Variants in ABHD3 observed in about 807,000 individuals in gnomAD.
ABHD3 encodes abhydrolase domain containing 3, phospholipase, also known as phospholipase ABHD3.
ABHD3 carries 46 observed loss-of-function variants against 48.8 expected under a neutral mutation model. The ratio of observed to expected loss-of-function variants is 0.94; its 90% CI spans 0.74 to 1.20. The LOEUF is 1.20. Among genes scored for constraint, ABHD3 ranks in the 50% most tolerant of loss-of-function variants. The pLI, the probability that ABHD3 is intolerant of heterozygous loss-of-function variation, is 0.00. For missense variants in ABHD3, 490 were observed against 497.8 expected (o/e 0.98, Z 0.15); for synonymous variants, 192 against 183.7 (o/e 1.04, Z -0.36).
chr18:21,665,172 T>C (rs2039593135), intron 4 of ABHD3, among the ~76,000 whole-genome samples: 1 of 152,020 alleles, frequency 6.6e-6, no homozygotes, highest in African/African-American at 2.4e-5. Context: ...CTTGAACCCC[T>C]GACCTCAAGT....
At chr18:21,659,483 T>C (rs1318610231) in intron 5 of ABHD3, 140 bp from the exon 6 acceptor site, 4 of 748,036 alleles carry the variant, frequency 5.3e-6, no homozygotes, top group Non-Finnish European at 8.4e-6. Context: ...TGGAAAAGCA[T>C]GCAAGCATCT....
At chr18:21,654,756 G>A (rs2039305572) in intron 8 of ABHD3, 1 of 152,220 alleles carries the variant, frequency 6.6e-6, no homozygotes, top group Non-Finnish European at 1.5e-5. Flanking sequence ...GGCCACATTT[G>A]AGGCATGTGA....
At chr18:21,656,485 AG>A (rs1341808369) in intron 8 of ABHD3, among the ~76,000 whole-genome samples, 3 of 152,242 alleles carry the variant, frequency 2.0e-5, no homozygotes, top group Non-Finnish European at 4.4e-5. Flanking sequence ...CCAGATTAAA[AG>A]GGAAGAAAAA....
chr18:21,666,292 C>T (rs752000612), intron 4 of ABHD3, among the ~76,000 whole-genome samples: 4 of 152,198 alleles, frequency 2.6e-5, no homozygotes, highest in Admixed American at 6.6e-5. Context: ...CTCGCGGGTT[C>T]AAGCGATTCT....
At chr18:21,659,944 A>G (rs904504734) in intron 5 of ABHD3, among the ~76,000 whole-genome samples, 1 of 146,436 alleles carries the variant, frequency 6.8e-6, no homozygotes, top group Admixed American at 6.9e-5. Flanking sequence ...TGCTGAGATT[A>G]CAGCCGTTGC....
At chr18:21,653,052 CAAAAAAAAAA>C (rs745321830) in intron 8 of ABHD3, among the ~76,000 whole-genome samples, 2 of 4,902 alleles carry the variant, frequency 4.1e-4, no homozygotes, top group Non-Finnish European at 6.9e-4. Context: ...GACTCCATCT[CAAAAAAAAAA>C]AAAAAAAAAA....
intron 4 of ABHD3, among the ~76,000 whole-genome samples, chr18:21,667,125 G>A (rs1344815067): frequency 6.7e-6 from 1 of 150,260 alleles, no homozygotes; most frequent in East Asian, 1.9e-4. Flanking sequence ...CCAGGCTGGA[G>A]TGCAGTGGTG....
At chr18:21,699,581 C>T (rs1178971688) in intron 3 of ABHD3, among the ~76,000 whole-genome samples, 7 of 152,188 alleles carry the variant, frequency 4.6e-5, no homozygotes, top group Non-Finnish European at 4.4e-5. Flanking sequence ...TTTCCCTACA[C>T]TTTGACTCTG....
chr18:21,656,164 T>A (rs1367332367), intron 8 of ABHD3, among the ~76,000 whole-genome samples: 1 of 152,120 alleles, frequency 6.6e-6, no homozygotes, highest in Non-Finnish European at 1.5e-5. Context: ...CAGGAAAGTT[T>A]ATTTCTGAAT....
intron 5 of ABHD3, among the ~76,000 whole-genome samples, chr18:21,659,656 TAG>T (rs141608383): frequency 2.0e-5 from 3 of 151,650 alleles, no homozygotes; most frequent in African/African-American, 4.8e-5. Flanking sequence ...TGGAATCACC[TAG>T]AGTTTTTTTT....
intron 3 of ABHD3, among the ~76,000 whole-genome samples, chr18:21,689,500 G>GATCA (rs537410771): frequency 1.6e-3 from 193 of 118,160 alleles, no homozygotes; most frequent in African/African-American, 6.4e-3. Flanking sequence ...AGTGAGCCAA[G>GATCA]ATCACACCAT....
chr18:21,662,848 A>C (rs1159434445), intron 5 of ABHD3, among the ~76,000 whole-genome samples: 1 of 152,206 alleles, frequency 6.6e-6, no homozygotes. Flanking sequence ...GGAGCATTGA[A>C]TAGAGAATCT....
rs1481490999 is a variant in ABHD3 at position 21,657,144 on chromosome 18, T to C, written c.851A>G (p.His284Arg). 3.1e-6 allele frequency: 5 copies of C among 1,606,166 alleles called. No individual in the cohort carries two copies. Among genetic ancestry groups the C allele is most frequent in the Non-Finnish European group, 3.4e-6 (4 of 1,176,254 alleles). The part of the protein sequence containing the change: ...CLQSSVNKHR[H>R]MFVKQVDMDH... ...CATATCAACTTGTTTTACAAACATA[T>C]GTCGGTGCCTGGAACAAAAGAATTT... The change falls in exon 7 of 9, where the codon CAT becomes CGT. Residue 284 changes from histidine to arginine, a missense_variant. His to Arg is a conservative substitution (Grantham distance 29, BLOSUM62 0). Coordinates refer to ENST00000289119, the MANE Select transcript of ABHD3 (RefSeq NM_138340.5).
In ABHD3 at chr18:21,704,526, T is replaced by C. The variant is rs1368933101; in HGVS notation, c.140A>G (p.Tyr47Cys). 4.0e-5 allele frequency: 60 copies of C among 1,499,294 alleles called. No individual in the cohort carries two copies. Among genetic ancestry groups the C allele is most frequent in the Middle Eastern group, 1.7e-4 (1 of 5,816 alleles). The allele number at this position is 1,499,294 out of a possible 1,614,324, so 92.9% of individuals were successfully genotyped here. Reference protein sequence around the residue: ...ILGFSVAYAFYYLSSIAKKPQ... With the variant: ...ILGFSVAYAFCYLSSIAKKPQ... ...CACCTTGGCAATGCTGCTCAGGTAG[T>C]AGAAGGCATAAGCGACGCTGAAGCC... Residue 47 changes from tyrosine (Y) to cysteine (C), a missense_variant, in exon 1 of 9, where the codon TAC (tyrosine) becomes TGC (cysteine). By Grantham distance (194) the Tyr-to-Cys change is radical. Transcript: ENST00000289119.
Position 21,702,298 on chromosome 18 carries a change from G to A in ABHD3, c.509+18C>T. ...TTGGAATGGATCAAGTGAAAAAAAA[G>A]AAATCTTTTACTGGTACCTGTATCC... is the stretch of plus-strand genomic sequence containing the variant. On this transcript the variant is annotated intron_variant, in intron 3 of 8. Transcript: ENST00000289119. 1 of 1,543,926 alleles carries A rather than the reference G, an allele frequency of 6.5e-7. No homozygotes were observed. Among genetic ancestry groups the A allele is most frequent in the Non-Finnish European group, 8.8e-7 (1 of 1,141,190 alleles).
chr18:21,703,307 C>A (rs139015272), intron 2 of ABHD3, among the ~76,000 whole-genome samples: 3 of 142,988 alleles, frequency 2.1e-5, no homozygotes. Flanking sequence ...TGACAAACTG[C>A]GAGACAGTAA....
intron 3 of ABHD3, among the ~76,000 whole-genome samples, chr18:21,685,937 G>A (rs2040120366): frequency 1.3e-5 from 2 of 152,214 alleles, no homozygotes; most frequent in Admixed American, 6.5e-5. Flanking sequence ...ATCTCAAGTG[G>A]TCTGTCTGCC....
chr18:21,663,897 G>T (rs957118464), intron 5 of ABHD3: 7 of 1,437,912 alleles, frequency 4.9e-6, no homozygotes, highest in Non-Finnish European at 6.3e-6. Flanking sequence ...CACAAAATCC[G>T]CAGTCACAGA....
chr18:21,672,213 TA>T lies in ABHD3; in HGVS notation c.556-7984del, dbSNP rs772912887. On this transcript the variant is annotated intron_variant, in intron 4 of 8. Coordinates refer to ENST00000289119, the MANE Select transcript of ABHD3 (RefSeq NM_138340.5). ...TTCATTAAAAAAACAATTTTTGACC[TA>T]GACTCAAATTTTAAAATTCCCTCTG... Among the ~76,000 whole-genome samples the T allele has an allele frequency of 2.0e-5, 3 of 152,152 alleles. No individual in the cohort carries two copies. The South Asian group carries it at 6.2e-4, about 31-fold the overall frequency.
Sources: allele counts gnomAD v4.1 joint callset (sites outside exome capture counted in the v4.1 genomes callset), GRCh38; gene constraint gnomAD v4.1.1; transcripts MANE v1.5; gene names NCBI Gene and HGNC (gene_info 2026-07-23, HGNC 2026-07-21).